Variants in CSGALNACT1 observed in about 807,000 individuals in gnomAD.
CSGALNACT1 encodes the protein beta4GalNAcT-1.
A neutral mutation model predicts 51.0 loss-of-function variants in CSGALNACT1; 52 were observed. That is an observed-to-expected ratio of 1.02 (90% CI 0.82 to 1.29). The LOEUF (loss-of-function observed/expected upper bound fraction) is 1.29. Ranked by LOEUF, CSGALNACT1 falls within the 50% of genes most tolerant of loss-of-function variation. The pLI is 0.00. For missense variants in CSGALNACT1, 935 were observed against 679.2 expected, an observed-to-expected ratio of 1.38 and a Z score of -4.19; for synonymous variants, 341 against 254.4, an observed-to-expected ratio of 1.34 and a Z score of -3.24.
chr8:19,641,001 C>G (rs1277579971), intron 1 of CSGALNACT1, among the ~76,000 whole-genome samples: 1 of 151,922 alleles, frequency 6.6e-6, no homozygotes, highest in Non-Finnish European at 1.5e-5. Flanking sequence ...TCCTGTGAGA[C>G]TCAGGCTGCT....
intron 1 of CSGALNACT1, among the ~76,000 whole-genome samples, chr8:19,673,578 T>G (rs2059954644): frequency 6.6e-6 from 1 of 152,196 alleles, no homozygotes; most frequent in Admixed American, 6.5e-5. Flanking sequence ...ATTTCCATCT[T>G]TAATTCCCAT....
At chr8:19,419,522 G>A (rs2057536849) in intron 7 of CSGALNACT1, among the ~76,000 whole-genome samples, 1 of 152,220 alleles carries the variant, frequency 6.6e-6, no homozygotes, top group Non-Finnish European at 1.5e-5. Flanking sequence ...CTGTGCCAGT[G>A]TTCATCAGCT....
At chr8:19,456,238 C>G (rs1299916098) in intron 5 of CSGALNACT1, among the ~76,000 whole-genome samples, 1 of 152,166 alleles carries the variant, frequency 6.6e-6, no homozygotes, top group Admixed American at 6.5e-5. Flanking sequence ...CCAAGAGAAT[C>G]CTGCTATTTC....
At chr8:19,754,150 C>G (rs1196437939) in intron 1 of CSGALNACT1, among the ~76,000 whole-genome samples, 1 of 152,138 alleles carries the variant, frequency 6.6e-6, no homozygotes, top group Non-Finnish European at 1.5e-5. Context: ...GCCTCAGCCT[C>G]CCGGGTAGCT....
chr8:19,406,612 TAG>T (rs1218202889), intron 9 of CSGALNACT1, among the ~76,000 whole-genome samples: 1 of 34,940 alleles, frequency 2.9e-5, no homozygotes, highest in Non-Finnish European at 5.6e-5. Context: ...TAATTAAAAA[TAG>T]AGGTTTCGTA....
intron 1 of CSGALNACT1, among the ~76,000 whole-genome samples, chr8:19,755,623 G>T (rs7833274): frequency 0.39 from 59,055 of 151,976 alleles, 11,865 homozygotes; most frequent in Middle Eastern, 0.5. Flanking sequence ...TAGGAAAGGG[G>T]AAGTAACTTG....
At chr8:19,497,567 G>A (rs887881225) in intron 4 of CSGALNACT1, among the ~76,000 whole-genome samples, 3 of 152,130 alleles carry the variant, frequency 2.0e-5, no homozygotes, top group African/African-American at 7.2e-5. Flanking sequence ...ATATGTTAAA[G>A]GCTCTAATGG....
intron 1 of CSGALNACT1, among the ~76,000 whole-genome samples, chr8:19,608,027 A>G (rs2051640090): frequency 6.6e-6 from 1 of 152,254 alleles, no homozygotes; most frequent in Non-Finnish European, 1.5e-5. Flanking sequence ...GAGTATAAAG[A>G]TTTCAGCAGG....
chr8:19,505,153 C>G, intron 4 of CSGALNACT1, 48 bp downstream of exon 3: 1 of 1,609,524 alleles, frequency 6.2e-7, no homozygotes, highest in East Asian at 2.2e-5. Context: ...TGCCAGGAAC[C>G]CCCAATTCCT....
At chr8:19,491,993 G>A (rs2074448224) in intron 4 of CSGALNACT1, among the ~76,000 whole-genome samples, 1 of 152,170 alleles carries the variant, frequency 6.6e-6, no homozygotes, top group African/African-American at 2.4e-5. Context: ...TACACTCTGT[G>A]CTATTAATAA....
chr8:19,711,339 C>A (rs1022845896), intron 1 of CSGALNACT1, among the ~76,000 whole-genome samples: 4 of 151,816 alleles, frequency 2.6e-5, no homozygotes, highest in Admixed American at 6.6e-5. Flanking sequence ...GAGGGTGGGG[C>A]AAGGAAGAAG....
exon 4 of CSGALNACT1, chr8:19,506,119 G>A: frequency 9.6e-6 from 6 of 622,462 alleles, no homozygotes; most frequent in Non-Finnish European, 8.9e-6. Context: ...GCAGCCAACA[G>A]CAAGAGGGGA....
At chr8:19,723,790 G>T (rs2154241247) in intron 1 of CSGALNACT1, among the ~76,000 whole-genome samples, 1 of 152,294 alleles carries the variant, frequency 6.6e-6, no homozygotes, top group Non-Finnish European at 1.5e-5. Context: ...GAAAATGCAA[G>T]TGGCTATATT....
At chr8:19,712,517 C>T (rs78651863) in intron 1 of CSGALNACT1, among the ~76,000 whole-genome samples, 2 of 152,312 alleles carry the variant, frequency 1.3e-5, no homozygotes, top group East Asian at 3.9e-4. Flanking sequence ...TGAACATTCA[C>T]TCTGCTTGTT....
intron 3 of CSGALNACT1, among the ~76,000 whole-genome samples, chr8:19,590,839 C>T (rs1471762280): frequency 9.9e-5 from 15 of 151,614 alleles, no homozygotes; most frequent in Admixed American, 4.6e-4. Context: ...TTAGTAGAGA[C>T]GGGGTTTCAC....
intron 1 of CSGALNACT1, among the ~76,000 whole-genome samples, chr8:19,744,784 G>C (rs868199011): frequency 5.3e-5 from 8 of 152,318 alleles, no homozygotes; most frequent in Middle Eastern, 3.4e-3. Flanking sequence ...TACTCACCAT[G>C]TTGACTATTA....
At chr8:19,486,674 T>G (rs1482974002) in intron 4 of CSGALNACT1, among the ~76,000 whole-genome samples, 1 of 152,162 alleles carries the variant, frequency 6.6e-6, no homozygotes, top group African/African-American at 2.4e-5. Context: ...AGACCTACAT[T>G]GACTGTCTTA....
At chr8:19,734,589 A>C (rs532603642) in intron 1 of CSGALNACT1, among the ~76,000 whole-genome samples, 3 of 152,142 alleles carry the variant, frequency 2.0e-5, no homozygotes, top group Non-Finnish European at 4.4e-5. Flanking sequence ...ACTAAATTTA[A>C]CTTGTCTGAA....
At chr8:19,437,656 G>A (rs2060598006) in intron 6 of CSGALNACT1, among the ~76,000 whole-genome samples, 1 of 152,110 alleles carries the variant, frequency 6.6e-6, no homozygotes, top group South Asian at 2.1e-4. Context: ...CCAGGTATAG[G>A]TATAGGTATA....
Sources: allele counts gnomAD v4.1 joint callset (sites outside exome capture counted in the v4.1 genomes callset), GRCh38; gene constraint gnomAD v4.1.1; transcripts MANE v1.5; gene names NCBI Gene and HGNC (gene_info 2026-07-23, HGNC 2026-07-21).